TCF12: variants seen among roughly 807,000 people sequenced by gnomAD.
The protein encoded by TCF12 is transcription factor 12, also known as DNA-binding protein HTF4.
TCF12 carries 45 observed loss-of-function variants against 86.0 expected under a neutral mutation model. The observed-to-expected ratio is 0.52, with a 90% CI of 0.41 to 0.67. TCF12 has a LOEUF of 0.67. Ranked by LOEUF, TCF12 falls within the 30% of genes least tolerant of loss-of-function variation. The pLI is 0.00. For missense variants in TCF12, 881 were observed against 859.9 expected, an observed-to-expected ratio of 1.02 and a Z score of -0.31; for synonymous variants, 330 against 299.6, an observed-to-expected ratio of 1.10 and a Z score of -1.05.
intron 3 of TCF12, among the ~76,000 whole-genome samples, chr15:57,062,577 C>A (rs1056334817): frequency 7.2e-5 from 11 of 152,150 alleles, no homozygotes; most frequent in Non-Finnish European, 1.3e-4. Flanking sequence ...CCTCCCCCTT[C>A]CCTGCTTTTT....
chr15:57,133,506 T>C (rs1889827905), intron 5 of TCF12, among the ~76,000 whole-genome samples: 2 of 152,310 alleles, frequency 1.3e-5, no homozygotes, highest in Admixed American at 1.3e-4. Context: ...GCCATGTGTT[T>C]GTGCCCGATA....
At chr15:56,999,862 A>C (rs1400772208) in intron 3 of TCF12, among the ~76,000 whole-genome samples, 3 of 152,084 alleles carry the variant, frequency 2.0e-5, no homozygotes, top group Non-Finnish European at 4.4e-5. Context: ...TGACAGAGTG[A>C]GACTCTGTCT....
chr15:57,036,816 A>G (rs765398813), intron 3 of TCF12, among the ~76,000 whole-genome samples: 13 of 151,946 alleles, frequency 8.6e-5, no homozygotes, highest in African/African-American at 3.1e-4. Context: ...TTCCCTTTTT[A>G]AAAAAATTAT....
chr15:57,072,581 T>C (rs1375595974), intron 4 of TCF12: 9 of 1,013,170 alleles, frequency 8.9e-6, no homozygotes, highest in East Asian at 1.1e-4. Context: ...TTATAGCTAC[T>C]AGGAGTTCAA....
At chr15:57,243,687 A>G in intron 13 of TCF12, 137 bp downstream of exon 13, 1 of 669,200 alleles carries the variant, frequency 1.5e-6, no homozygotes. Flanking sequence ...GTGTAAAGAG[A>G]GCCTTCCTCT....
At chr15:57,170,756 ATATTATATATATAT>A in intron 6 of TCF12, among the ~76,000 whole-genome samples, 1 of 43,854 alleles carries the variant, frequency 2.3e-5, no homozygotes, top group Non-Finnish European at 4.2e-5. Flanking sequence ...TATATATTAT[ATATTATATATATAT>A]TATATATAAT....
At chr15:57,132,456 C>T (rs1273933530) in intron 5 of TCF12, among the ~76,000 whole-genome samples, 1 of 152,144 alleles carries the variant, frequency 6.6e-6, no homozygotes. Context: ...TCACCCAAGT[C>T]AACTTTCAGG....
intron 19 of TCF12, among the ~76,000 whole-genome samples, chr15:57,279,881 T>A (rs1567043625): frequency 7.9e-6 from 1 of 126,824 alleles, no homozygotes; most frequent in African/African-American, 3.2e-5. Context: ...CTCCACAGTC[T>A]CACTTTTTTT....
Position 57,261,950 on chromosome 15 carries a change from C to G in TCF12, c.1468-144C>G, listed in dbSNP as rs549751695. The G allele has an allele frequency of 1.6e-5, 8 of 515,482 alleles. No individual in the cohort carries two copies. The East Asian group carries it at 2.5e-4, about 16-fold the overall frequency. The allele number at this position is 515,482 out of a possible 1,614,324, so 31.9% of individuals were successfully genotyped here. Reference sequence around the variant, plus strand: ...AATATTTTGAAATTCTCCCCAAAAACCAGAATAATGGCATCCAGAAAAAGT... The same window carrying G: ...AATATTTTGAAATTCTCCCCAAAAAGCAGAATAATGGCATCCAGAAAAAGT... On this transcript the variant is annotated intron_variant, in intron 16 of 20. Transcript: ENST00000333725.
At chr15:57,284,000 C>G (rs1204678961) in intron 20 of TCF12, among the ~76,000 whole-genome samples, 3 of 152,152 alleles carry the variant, frequency 2.0e-5, no homozygotes, top group Non-Finnish European at 4.4e-5. Context: ...CAAACTACCT[C>G]CCCCACAAAA....
chr15:57,035,184 A>G (rs1241134673), intron 3 of TCF12, among the ~76,000 whole-genome samples: 2 of 152,220 alleles, frequency 1.3e-5, no homozygotes, highest in East Asian at 3.8e-4. Flanking sequence ...AGTAATTTGT[A>G]CAAAGTTACA....
intron 14 of TCF12, 33 bp downstream of exon 14, chr15:57,251,456 T>A (rs746024800): frequency 1.2e-6 from 2 of 1,604,548 alleles, no homozygotes; most frequent in Admixed American, 3.3e-5. Flanking sequence ...TTTTATCTGA[T>A]AGCTTAGAGT....
At chr15:57,133,616 A>C (rs1596718842) in intron 5 of TCF12, among the ~76,000 whole-genome samples, 2 of 131,130 alleles carry the variant, frequency 1.5e-5, no homozygotes, top group Admixed American at 1.7e-4. Flanking sequence ...TCTGGTCTGC[A>C]GTAATGTGTT....
chr15:57,240,942 G>A (rs1452208528), intron 12 of TCF12, among the ~76,000 whole-genome samples: 3 of 146,270 alleles, frequency 2.1e-5, no homozygotes, highest in African/African-American at 7.5e-5. Flanking sequence ...TGTTTCTGTT[G>A]AAGTTTGATG....
At chr15:56,938,157 T>C (rs2060565113) in intron 3 of TCF12, among the ~76,000 whole-genome samples, 1 of 151,460 alleles carries the variant, frequency 6.6e-6, no homozygotes, top group Non-Finnish European at 1.5e-5. Context: ...TTTTTTTTGT[T>C]TCTTTTCTTT....
At chr15:57,268,067 T>A (rs1296396634) in intron 18 of TCF12, among the ~76,000 whole-genome samples, 1 of 152,190 alleles carries the variant, frequency 6.6e-6, no homozygotes, top group East Asian at 1.9e-4. Context: ...AGCACTGAGC[T>A]GACATCTCAT....
At chr15:57,032,384 A>G (rs76200960) in intron 3 of TCF12, among the ~76,000 whole-genome samples, 6,144 of 152,264 alleles carry the variant, frequency 0.04, 371 homozygotes, top group Admixed American at 0.17. Context: ...TAAAACAAAA[A>G]TATAAATATA....
chr15:56,942,552 T>C (rs1420973554), intron 3 of TCF12, among the ~76,000 whole-genome samples: 1 of 152,190 alleles, frequency 6.6e-6, no homozygotes, highest in East Asian at 1.9e-4. Context: ...TTATAAACAA[T>C]ATATTTCAAT....
chr15:57,275,562 A>G (rs2061366054), intron 19 of TCF12, among the ~76,000 whole-genome samples: 1 of 152,090 alleles, frequency 6.6e-6, no homozygotes, highest in Admixed American at 6.6e-5. Context: ...AGAGTTTTGT[A>G]TAGCCACTGT....
Sources: gnomAD v4.1 joint callset for allele counts (sites outside exome capture counted in the v4.1 genomes callset) on GRCh38, gnomAD v4.1.1 for gene constraint, MANE v1.5 for transcripts, NCBI Gene and HGNC (gene_info 2026-07-23, HGNC 2026-07-21) for gene names.